Variants in TASP1 observed in about 807,000 individuals in gnomAD.
TASP1 encodes the protein taspase 1.
In TASP1, 16 loss-of-function variants were observed where a neutral mutation model predicts 56.6. The observed-to-expected ratio is 0.28, with a 90% CI of 0.19 to 0.43. TASP1 has a LOEUF of 0.43. TASP1 is among the 20% of genes least tolerant of loss of function. TASP1 has a pLI of 1.00. For synonymous variants in TASP1, 179 were observed against 184.2 expected, an observed-to-expected ratio of 0.97 and a Z score of 0.23; for missense variants, 393 against 511.6, an observed-to-expected ratio of 0.77 and a Z score of 2.24.
intron 4 of TASP1, among the ~76,000 whole-genome samples, chr20:13,606,272 C>G: frequency 6.6e-6 from 1 of 151,908 alleles, no homozygotes. Context: ...ACAAGAACTC[C>G]CTTCCCCAAC....
chr20:13,228,933 G>A, the TASP1 span, among the ~76,000 whole-genome samples: 7 of 152,040 alleles, frequency 4.6e-5, no homozygotes, highest in Non-Finnish European at 8.8e-5. Flanking sequence ...ATAACTGAAC[G>A]CTCATAGTAA....
intron 10 of TASP1, among the ~76,000 whole-genome samples, chr20:13,486,354 G>A (rs1463745064): frequency 6.6e-6 from 1 of 151,958 alleles, no homozygotes; most frequent in Non-Finnish European, 1.5e-5. Flanking sequence ...AAGATTCCTA[G>A]AAGTAAAAAA....
At chr20:13,174,670 G>T in the TASP1 span, among the ~76,000 whole-genome samples, 1 of 150,492 alleles carries the variant, frequency 6.6e-6, no homozygotes, top group South Asian at 2.1e-4. Flanking sequence ...CTGTACTCCA[G>T]CCTGGGTGAC....
At chr20:13,394,587 G>A (rs553908364) in intron 13 of TASP1, among the ~76,000 whole-genome samples, 58 of 151,952 alleles carry the variant, frequency 3.8e-4, no homozygotes, top group Admixed American at 8.5e-4. Context: ...ATTCCAGCCT[G>A]GGCGACAGAG....
Position 13,612,424 on chromosome 20 carries a change from T to TAC in TASP1, c.282+11020_282+11021dup, listed in dbSNP as rs1007463264. On this transcript the variant is annotated intron_variant, in intron 4 of 13. Coordinates refer to ENST00000337743, the MANE Select transcript of TASP1 (RefSeq NM_017714.3). ...GTATAGACAACTTCATCTACAACTT[T>TAC]ACCCAGTGGTAAACTGCCTATCAAG... is the stretch of plus-strand genomic sequence containing the variant. Among the ~76,000 whole-genome samples the TAC allele has an allele frequency of 1.5e-4, 23 of 151,912 alleles. 1 individual carries two copies. Among genetic ancestry groups the TAC allele is most frequent in the African/African-American group, 5.6e-4 (23 of 41,358 alleles).
the TASP1 span, among the ~76,000 whole-genome samples, chr20:13,353,626 G>A: frequency 6.6e-6 from 1 of 152,098 alleles, no homozygotes; most frequent in African/African-American, 2.4e-5. Flanking sequence ...TCCAGGAAGT[G>A]GGTGATTTGC....
intron 10 of TASP1, among the ~76,000 whole-genome samples, chr20:13,499,983 T>C (rs1242951474): frequency 1.3e-5 from 2 of 150,780 alleles, no homozygotes; most frequent in Non-Finnish European, 3.0e-5. Context: ...TTCAAATGAG[T>C]GGAGGGTGAA....
chr20:13,433,536 AAAAAAT>A (rs1461435617), intron 12 of TASP1, among the ~76,000 whole-genome samples: 1 of 151,598 alleles, frequency 6.6e-6, no homozygotes, highest in Non-Finnish European at 1.5e-5. Flanking sequence ...AAAAAAAAAA[AAAAAAT>A]ACAGCTGGTG....
At chr20:13,360,401 A>G in the TASP1 span, among the ~76,000 whole-genome samples, 3 of 151,680 alleles carry the variant, frequency 2.0e-5, no homozygotes, top group Middle Eastern at 3.4e-3. Flanking sequence ...TCATAAAAAT[A>G]CATGTGCTCT....
downstream of TASP1, among the ~76,000 whole-genome samples, chr20:13,387,263 G>A (rs147284832): frequency 9.1e-3 from 1,285 of 141,336 alleles, 9 homozygotes; most frequent in African/African-American, 0.021. Flanking sequence ...GCGTGATCTC[G>A]GCTCACTGCA....
chr20:13,462,588 G>A (rs2044095190), intron 11 of TASP1, among the ~76,000 whole-genome samples: 1 of 152,050 alleles, frequency 6.6e-6, no homozygotes, highest in Non-Finnish European at 1.5e-5. Flanking sequence ...AGATTTTCCA[G>A]GCATCACAAG....
At position 13,588,310 on chromosome 20, in the gene TASP1, A is replaced by AAGGAAGG. The variant is rs1568618336; in HGVS notation, c.283-941_283-940insCCTTCCT. Among the ~76,000 whole-genome samples, 515 of 101,794 alleles carry AAGGAAGG rather than the reference A, an allele frequency of 5.1e-3. 5 individuals carry two copies. The highest frequency in any genetic ancestry group is 0.011 in the Middle Eastern group (2 of 180). The allele number at this position is 101,794 out of a possible 152,430, so 66.8% of individuals were successfully genotyped here. A position where few individuals can be genotyped will look rare whatever the true frequency, so the allele number is the denominator to read the frequency against. On this transcript the variant is annotated intron_variant, in intron 4 of 13. Coordinates refer to ENST00000337743, the MANE Select transcript of TASP1 (RefSeq NM_017714.3). ...GGAAGGAAGGAAGGAAGGAAGGAAG[A>AAGGAAGG]GAAAGAAAAGGAAGGAAGGAAGGAA...
At chr20:13,211,424 T>C in the TASP1 span, among the ~76,000 whole-genome samples, 1 of 152,286 alleles carries the variant, frequency 6.6e-6, no homozygotes, top group East Asian at 1.9e-4. Flanking sequence ...AAAGTCATTT[T>C]AGGAAGGAGT....
chr20:13,503,854 TAAAG>T (rs955051325), intron 10 of TASP1, among the ~76,000 whole-genome samples: 8 of 151,692 alleles, frequency 5.3e-5, no homozygotes, highest in Non-Finnish European at 1.0e-4. Context: ...GCAGACTTGA[TAAAG>T]AATCAATCTG....
rs376361754 is a variant in TASP1 at position 13,448,215 on chromosome 20, A to G, written c.986-13061T>C. ...CTAAATGGTCAGCCAATTGCCCAAC[A>G]TAAATTTCTTGAAAAAGGCCTCTCT... On this transcript the variant is annotated intron_variant, in intron 11 of 13. Coordinates refer to ENST00000337743, the MANE Select transcript of TASP1 (RefSeq NM_017714.3). 1.3e-4 allele frequency among the ~76,000 whole-genome samples: 20 copies of G among 152,260 alleles called. No individual in the cohort carries two copies. The South Asian group carries it at 4.1e-3, about 32-fold the overall frequency.
intron 6 of TASP1, among the ~76,000 whole-genome samples, chr20:13,578,974 T>C (rs974638789): frequency 6.6e-6 from 1 of 152,206 alleles, no homozygotes; most frequent in East Asian, 1.9e-4. Flanking sequence ...GTAAATGCCA[T>C]GAGGAGTGGG....
chr20:13,404,653 T>C (rs2041852305), intron 13 of TASP1, among the ~76,000 whole-genome samples: 1 of 152,176 alleles, frequency 6.6e-6, no homozygotes, highest in Admixed American at 6.5e-5. Context: ...GTAAATAGGA[T>C]GATTTTATGA....
intron 13 of TASP1, among the ~76,000 whole-genome samples, chr20:13,406,045 T>G (rs1047261714): frequency 2.6e-5 from 4 of 152,194 alleles, no homozygotes; most frequent in African/African-American, 9.7e-5. Context: ...TAGGGTTGCC[T>G]CTTCTGTGGA....
At chr20:13,246,700 C>CTAAG in the TASP1 span, among the ~76,000 whole-genome samples, 1 of 152,350 alleles carries the variant, frequency 6.6e-6, no homozygotes, top group African/African-American at 2.4e-5. Flanking sequence ...TTCCCAAGTT[C>CTAAG]TAAGACCTTG....
Sources: allele counts gnomAD v4.1 joint callset (sites outside exome capture counted in the v4.1 genomes callset), GRCh38; gene constraint gnomAD v4.1.1; transcripts MANE v1.5; gene names NCBI Gene and HGNC (gene_info 2026-07-23, HGNC 2026-07-21).